Variants in EYS observed in about 807,000 individuals in gnomAD.
EYS encodes the protein EGF-like photoreceptor maintenance factor, also known as protein eyes shut homolog.
EYS carries 250 observed loss-of-function variants against 282.1 expected under a neutral mutation model. The observed-to-expected ratio is 0.89, with a 90% CI of 0.80 to 0.98. The LOEUF (loss-of-function observed/expected upper bound fraction) is 0.98. Ranked by LOEUF, EYS falls within the 50% of genes least tolerant of loss-of-function variation. The pLI, the probability that EYS is intolerant of heterozygous loss-of-function variation, is 0.00. For synonymous variants in EYS, 1,355 were observed against 1,282.9 expected (o/e 1.06, Z -1.20); for missense variants, 4,016 against 3,709.0 (o/e 1.08, Z -2.15).
intron 8 of EYS, among the ~76,000 whole-genome samples, chr6:65,356,610 A>G (rs1471953309): frequency 6.6e-6 from 1 of 152,060 alleles, no homozygotes. Context: ...TGAACAATTT[A>G]TCTGTACTTA....
At position 64,219,882 on chromosome 6, in the gene EYS, G is replaced by C. The variant is rs1318532222; in HGVS notation, c.6424+10710C>G. On this transcript the variant is annotated intron_variant, in intron 31 of 42. Transcript: ENST00000503581. ...AATGATGAGTTCAAGTCCTTTATAG[G>C]GACATGGATGAAGCTGGAAACCATC... is the stretch of plus-strand genomic sequence containing the variant. Among the ~76,000 whole-genome samples, 6 of 151,680 alleles carry C rather than the reference G, an allele frequency of 4.0e-5. No individual in the cohort carries two copies. The Admixed American group carries it at 4.0e-4, about 10-fold the overall frequency.
At chr6:64,703,177 G>A (rs908022799) in intron 22 of EYS, among the ~76,000 whole-genome samples, 2 of 151,804 alleles carry the variant, frequency 1.3e-5, no homozygotes, top group South Asian at 4.2e-4. Flanking sequence ...TCACGGCAGA[G>A]CAGGTAGCAT....
rs186389352 is a variant in EYS, at chr6:64,168,994, C to T, written c.6424+61598G>A. ...ATTCAGAGAATATAAGAAAATTTAA[C>T]ATTTCTAGAATTCCAGAAAGAAATT... On this transcript the variant is annotated intron_variant, in intron 31 of 42. Coordinates refer to ENST00000503581, the MANE Select transcript of EYS (RefSeq NM_001142800.2). Among the ~76,000 whole-genome samples, 86 of 152,216 alleles carry T rather than the reference C, an allele frequency of 5.6e-4. 1 individual carries two copies. Among genetic ancestry groups the T allele is most frequent in the African/African-American group, 2.0e-3 (84 of 41,550 alleles).
At chr6:64,626,079 T>G (rs573292124) in intron 23 of EYS, 42 bp downstream of exon 23, 1 of 1,156,626 alleles carries the variant, frequency 8.6e-7, no homozygotes, top group Non-Finnish European at 1.2e-6. Context: ...AACGTATATA[T>G]TATTATATAT....
chr6:64,009,627 T>C (rs1389482522), intron 33 of EYS, among the ~76,000 whole-genome samples: 3 of 152,182 alleles, frequency 2.0e-5, no homozygotes, highest in Non-Finnish European at 4.4e-5. Context: ...TTTCATCTCC[T>C]GTATCTTTTT....
intron 2 of EYS, among the ~76,000 whole-genome samples, chr6:65,590,714 G>A (rs1765200709): frequency 6.6e-6 from 1 of 151,912 alleles, no homozygotes; most frequent in South Asian, 2.1e-4. Flanking sequence ...CCGTTTATGA[G>A]ATCACGTGGT....
At chr6:64,918,943 G>A (rs1340937983) in intron 15 of EYS, among the ~76,000 whole-genome samples, 1 of 151,954 alleles carries the variant, frequency 6.6e-6, no homozygotes, top group African/African-American at 2.4e-5. Flanking sequence ...AATAATACTA[G>A]GAATAAATAA....
chr6:64,945,659 A>C, intron 15 of EYS, 134 bp downstream of exon 15: 1 of 717,444 alleles, frequency 1.4e-6, no homozygotes, highest in Non-Finnish European at 2.1e-6. Flanking sequence ...CCATCTTGTC[A>C]GTAAATGGCT....
At chr6:65,225,282 T>C (rs1014756643) in intron 12 of EYS, among the ~76,000 whole-genome samples, 6 of 149,584 alleles carry the variant, frequency 4.0e-5, no homozygotes, top group Non-Finnish European at 3.0e-5. Flanking sequence ...ATTGAAAATA[T>C]TTGAATCTAT....
At chr6:65,094,761 A>G (rs1271676338) in intron 12 of EYS, among the ~76,000 whole-genome samples, 1 of 151,256 alleles carries the variant, frequency 6.6e-6, no homozygotes, top group Non-Finnish European at 1.5e-5. Context: ...ATAAAAGCCT[A>G]CACTATAAAA....
intron 31 of EYS, among the ~76,000 whole-genome samples, chr6:64,139,359 A>G (rs1400323484): frequency 1.3e-5 from 2 of 152,168 alleles, no homozygotes; most frequent in African/African-American, 4.8e-5. Flanking sequence ...GTCAAAGAAG[A>G]CATACATTCT....
At chr6:63,834,481 T>G (rs1005558006) in intron 36 of EYS, among the ~76,000 whole-genome samples, 4 of 151,948 alleles carry the variant, frequency 2.6e-5, no homozygotes, top group Non-Finnish European at 5.9e-5. Context: ...ATCAGAGAAA[T>G]GCAAATCAAA....
chr6:64,344,517 C>T (rs1481248160), intron 29 of EYS, among the ~76,000 whole-genome samples: 2 of 151,996 alleles, frequency 1.3e-5, no homozygotes, highest in African/African-American at 2.4e-5. Flanking sequence ...ACTCTTCATG[C>T]TAAAAACTCT....
At chr6:64,728,374 G>T (rs991362783) in intron 22 of EYS, among the ~76,000 whole-genome samples, 2 of 150,962 alleles carry the variant, frequency 1.3e-5, no homozygotes, top group African/African-American at 2.4e-5. Context: ...TTGCTCTGTC[G>T]CCCAGGCTGG....
At chr6:64,024,221 A>C (rs138535443) in intron 33 of EYS, among the ~76,000 whole-genome samples, 2,529 of 152,268 alleles carry the variant, frequency 0.017, 59 homozygotes, top group East Asian at 0.069. Flanking sequence ...GGACTTGCAG[A>C]ACCTTTATGT....
intron 19 of EYS, among the ~76,000 whole-genome samples, chr6:64,866,334 C>G (rs556947321): frequency 1.3e-5 from 2 of 151,998 alleles, no homozygotes; most frequent in African/African-American, 4.8e-5. Context: ...TAGGCAACAA[C>G]AAATTTGAAT....
intron 1 of EYS, among the ~76,000 whole-genome samples, chr6:65,660,083 TA>T (rs34663967): frequency 0.14 from 21,840 of 151,706 alleles, 1,752 homozygotes; most frequent in South Asian, 0.29. Flanking sequence ...GGCTGCTTAT[TA>T]AAAATTTATT....
At chr6:64,013,769 A>G (rs1333746206) in intron 33 of EYS, among the ~76,000 whole-genome samples, 2 of 152,142 alleles carry the variant, frequency 1.3e-5, no homozygotes, top group African/African-American at 4.8e-5. Context: ...GGGCATTAGG[A>G]AAGCTGAAAA....
chr6:65,106,826 A>C (rs1313866467), intron 12 of EYS, among the ~76,000 whole-genome samples: 1 of 152,100 alleles, frequency 6.6e-6, no homozygotes, highest in East Asian at 1.9e-4. Context: ...TATTCTAACA[A>C]TGTAAATATA....
Sources: allele counts gnomAD v4.1 joint callset (sites outside exome capture counted in the v4.1 genomes callset), GRCh38; gene constraint gnomAD v4.1.1; transcripts MANE v1.5; gene names NCBI Gene and HGNC (gene_info 2026-07-23, HGNC 2026-07-21).